Variants in SCYL1 observed in about 807,000 individuals in gnomAD.
SCYL1 encodes the protein SCY1 like pseudokinase 1.
Under a neutral mutation model 94.8 loss-of-function variants are expected in SCYL1, and 85 were observed. The observed-to-expected ratio is 0.90, with a 90% confidence interval of 0.75 to 1.07. The LOEUF (loss-of-function observed/expected upper bound fraction) is 1.07, where lower values mean the gene tolerates loss of function less well. SCYL1 is among the 50% of genes least tolerant of loss of function. The pLI is 0.00. For missense variants in SCYL1, 968 were observed against 1,083.3 expected, an observed-to-expected ratio of 0.89 and a Z score of 1.49; for synonymous variants, 459 against 435.5, an observed-to-expected ratio of 1.05 and a Z score of -0.67.
At chr11:65,527,359 C>A (rs1787663) in intron 6 of SCYL1, among the ~76,000 whole-genome samples, 47,542 of 152,080 alleles carry the variant, frequency 0.31, 8,316 homozygotes, top group African/African-American at 0.47. Context: ...TCTACTCCAA[C>A]ACTGGAAACT....
Position 65,537,818 on chromosome 11 carries a change from G to T in SCYL1, c.1969G>T (p.Glu657Ter), listed in dbSNP as rs867368865. The change falls in exon 15 of 18, where the codon GAG (glutamate) becomes TAG (stop). Residue 657 changes from glutamate to a stop codon, truncating the protein, a stop_gained. Transcript: ENST00000270176. LOFTEE classifies it high-confidence loss of function. ...EDWGSLEQEA[E>*]SVLAQQDDWS... The stretch of plus-strand genomic sequence containing the variant: ...CCTTCCCACACTGCAGCAGGAGGCC[G>T]AGTCTGTGCTGGCCCAGCAGGACGA... 6.4e-7 allele frequency: 1 copy of T among 1,564,904 alleles called. No homozygotes were observed. Among genetic ancestry groups the T allele is most frequent in the Non-Finnish European group, 8.7e-7 (1 of 1,154,364 alleles).
At position 65,537,131 on chromosome 11, in the gene SCYL1, G is replaced by A. The variant is rs970280005; in HGVS notation, c.1959+3G>A. 1.2e-6 allele frequency: 2 copies of A among 1,614,154 alleles called. No individual in the cohort carries two copies. Among genetic ancestry groups the A allele is most frequent in the South Asian group, 1.1e-5 (1 of 91,088 alleles). ...ACGAAGACTGGGGCAGCCTGGAGGTGTGTGGGGCTGAGGGAGCCTCCCCAG... is the reference window on the plus strand; with the variant it reads ...ACGAAGACTGGGGCAGCCTGGAGGTATGTGGGGCTGAGGGAGCCTCCCCAG... On this transcript the variant is annotated splice_donor_region_variant and intron_variant, in intron 14 of 17. Coordinates refer to ENST00000270176, the MANE Select transcript of SCYL1 (RefSeq NM_020680.4).
chr11:65,525,112 C>T lies in SCYL1; in HGVS notation c.-42C>T. ...CGCCCCGGCTCGGGCGGCCGGAGGA[C>T]CCGGAGCTAAGGCGCCCGAACCCGC... On this transcript the variant is annotated 5_prime_UTR_variant, in exon 1 of 18. Transcript: ENST00000270176. The T allele has an allele frequency of 1.6e-6, 2 of 1,265,412 alleles. No homozygotes were observed. Among genetic ancestry groups the T allele is most frequent in the Non-Finnish European group, 2.0e-6 (2 of 988,690 alleles). The allele number at this position is 1,265,412 out of a possible 1,614,324, so 78.4% of individuals were successfully genotyped here.
At position 65,536,110 on chromosome 11, in the gene SCYL1, C is replaced by T. The variant is rs372352176; in HGVS notation, c.1544C>T (p.Thr515Ile). The change falls in exon 11 of 18, where the codon ACT (threonine) becomes ATT (isoleucine). Residue 515 changes from threonine (T) to isoleucine (I), a missense_variant. Coordinates refer to ENST00000270176, the MANE Select transcript of SCYL1 (RefSeq NM_020680.4). ...QKILPVLCGLTVDPEKSVRDQ... is the reference protein window; with the variant it reads ...QKILPVLCGLIVDPEKSVRDQ... ...ATCCTGCCTGTGCTCTGCGGTCTCA[C>T]TGTAGATCCTGAGAAATCCGTGCGA... The T allele has an allele frequency of 1.4e-4, 232 of 1,613,932 alleles. No homozygotes were observed. The highest frequency in any genetic ancestry group is 3.3e-4 in the Middle Eastern group (2 of 6,082).
In SCYL1 at chr11:65,526,079, G is replaced by C. The variant is rs374423071; in HGVS notation, c.375+36G>C. 3 of 1,611,472 alleles carry C rather than the reference G, an allele frequency of 1.9e-6. No individual in the cohort carries two copies. The highest frequency in any genetic ancestry group is 2.2e-5 in the East Asian group (1 of 44,862). ...GGGCAGTGGTGATGAGAGCAGGGAT[G>C]GGGGGTTGCAGGTGCTGGGGCGTGA... On this transcript the variant is annotated intron_variant, in intron 3 of 17. Coordinates refer to ENST00000270176, the MANE Select transcript of SCYL1 (RefSeq NM_020680.4). This position sits in a 1 kb window ranked among gnomAD's most constrained non-coding sequence, Gnocchi z 4.1.
chr11:65,531,722 GA>G, intron 8 of SCYL1, 39 bp downstream of exon 8: 4 of 1,508,244 alleles, frequency 2.7e-6, no homozygotes, highest in Non-Finnish European at 2.8e-6. Flanking sequence ...GGTCCACCCA[GA>G]CCCCAACCTG....
rs1480070397 is a variant in SCYL1 at position 65,537,252 on chromosome 11, C to T, written c.1959+124C>T. On this transcript the variant is annotated intron_variant, in intron 14 of 17. Coordinates refer to ENST00000270176, the MANE Select transcript of SCYL1 (RefSeq NM_020680.4). ...CCTCATCAGCACAGCATCCCTGGCACGTAGGCCTCATGGAGTGGCCATTGT... is the reference window on the plus strand; with the variant it reads ...CCTCATCAGCACAGCATCCCTGGCATGTAGGCCTCATGGAGTGGCCATTGT... 5 of 1,075,874 alleles carry T rather than the reference C, an allele frequency of 4.6e-6. No individual in the cohort carries two copies. The African/African-American group carries it at 4.7e-5, about 10-fold the overall frequency. The allele number at this position is 1,075,874 out of a possible 1,614,324, so 66.6% of individuals were successfully genotyped here.
rs575189600 is a variant in SCYL1 at position 65,530,605 on chromosome 11, C to T, written c.850-24C>T. On this transcript the variant is annotated intron_variant, in intron 6 of 17. Coordinates refer to ENST00000270176, the MANE Select transcript of SCYL1 (RefSeq NM_020680.4). ...GCTGCAACCAGGCTGATCTCTTCCC[C>T]GGGTCCCGTCCTCACTCCCCCAGAT... 412 of 1,601,514 alleles carry T rather than the reference C, an allele frequency of 2.6e-4. No homozygotes were observed. The East Asian group carries it at 4.6e-3, about 18-fold the overall frequency.
chr11:65,535,026 G>C (rs1344208866), intron 9 of SCYL1: 2 of 622,406 alleles, frequency 3.2e-6, no homozygotes, highest in Non-Finnish European at 5.6e-6. Flanking sequence ...AGTGCAGACA[G>C]ACTTTGGAGG....
In SCYL1 at chr11:65,538,275, G is replaced by A. The variant is rs1855817277; in HGVS notation, c.2253G>A (p.Arg751=). 2 of 1,553,282 alleles carry A rather than the reference G, an allele frequency of 1.3e-6. No individual in the cohort carries two copies. The highest frequency in any genetic ancestry group is 2.7e-5 in the African/African-American group (2 of 73,122). The change falls in exon 17 of 18, where the codon AGG becomes AGA. Residue 751 remains arginine (R), a synonymous_variant. Coordinates refer to ENST00000270176, the MANE Select transcript of SCYL1 (RefSeq NM_020680.4). Reference sequence around the variant, plus strand: ...GCCCACACTTCTCTTTACAGCCGAGGCCAGACTCTTGGGGTGAGGACAACT... The same window carrying A: ...GCCCACACTTCTCTTTACAGCCGAGACCAGACTCTTGGGGTGAGGACAACT... ...TLSARPSTQP[R]PDSWGEDNWE... is the part of the protein sequence containing the mutation.
rs567720483 is a variant in SCYL1, at chr11:65,528,126, G to T, written c.849+1009G>T. ...TCCCCAACCTTGGGAACTCTTGCTGGGGAAGAGACAGAAAACATAAAAACC... is the reference window on the plus strand; with the variant it reads ...TCCCCAACCTTGGGAACTCTTGCTGTGGAAGAGACAGAAAACATAAAAACC... On this transcript the variant is annotated intron_variant, in intron 6 of 17. Coordinates refer to ENST00000270176, the MANE Select transcript of SCYL1 (RefSeq NM_020680.4). Among the ~76,000 whole-genome samples the T allele has an allele frequency of 3.3e-5, 5 of 152,286 alleles. No homozygotes were observed. In the South Asian group the frequency reaches 1.0e-3, roughly 32 times the overall value.
At position 65,535,978 on chromosome 11, in the gene SCYL1, C is replaced by T. The variant is rs1554969894; in HGVS notation, c.1412C>T (p.Ala471Val). 4 of 1,608,838 alleles carry T rather than the reference C, an allele frequency of 2.5e-6. No individual in the cohort carries two copies. The highest frequency in any genetic ancestry group is 3.4e-6 in the Non-Finnish European group (4 of 1,177,148). Residue 471 changes from alanine (A) to valine (V), a missense_variant, in exon 11 of 18, where the codon GCC becomes GTC. Ala to Val is a moderately conservative substitution (Grantham distance 64). This residue lies in a region of SCYL1 where 474 missense variants were observed against 463.6 expected (regional missense o/e 1.02). Coordinates refer to ENST00000270176, the MANE Select transcript of SCYL1 (RefSeq NM_020680.4). ...ASTRHRVLTS[A>V]FSRATRDPFA... ...ACCAGACACAGGGTCCTTACCTCTG[C>T]CTTCAGCCGAGCCACTAGGGACCCG...
intron 17 of SCYL1, 47 bp downstream of exon 17, chr11:65,538,371 G>C: frequency 6.5e-7 from 1 of 1,540,270 alleles, no homozygotes. Flanking sequence ...TCCCCGACTA[G>C]CCCGCCCCTA....
chr11:65,525,441 G>A lies in SCYL1; in HGVS notation c.112-133G>A. The A allele has an allele frequency of 2.5e-6, 3 of 1,199,220 alleles. No homozygotes were observed. The South Asian group carries it at 4.8e-5, about 19-fold the overall frequency. The allele number at this position is 1,199,220 out of a possible 1,614,324, so 74.3% of individuals were successfully genotyped here. ...GGAGGGACCGAGGGACCGACAGGCGGACAGGGCCGGGGTCACGTGGGCCCG... is the reference window on the plus strand; with the variant it reads ...GGAGGGACCGAGGGACCGACAGGCGAACAGGGCCGGGGTCACGTGGGCCCG... On this transcript the variant is annotated intron_variant, in intron 1 of 17. Transcript: ENST00000270176.
At chr11:65,527,731 CAAA>C (rs35335117) in intron 6 of SCYL1, among the ~76,000 whole-genome samples, 1 of 88,660 alleles carries the variant, frequency 1.1e-5, no homozygotes, top group African/African-American at 4.1e-5. Context: ...GACTTCGTCT[CAAA>C]AAAAAAAAAA....
At chr11:65,531,755 C>G in intron 8 of SCYL1, 72 bp downstream of exon 8, 1 of 1,140,100 alleles carries the variant, frequency 8.8e-7, no homozygotes, top group East Asian at 2.4e-5. Context: ...GGCACCTGCC[C>G]TGGCTGCACA....
intron 14 of SCYL1, 63 bp downstream of exon 14, chr11:65,537,191 G>C: frequency 6.3e-7 from 1 of 1,589,160 alleles, no homozygotes; most frequent in Non-Finnish European, 8.6e-7. Flanking sequence ...CTGCCATTCA[G>C]GGAGCTTCTG....
chr11:65,529,284 G>A (rs1855251109), intron 6 of SCYL1, among the ~76,000 whole-genome samples: 1 of 152,158 alleles, frequency 6.6e-6, no homozygotes, highest in Non-Finnish European at 1.5e-5. Context: ...GGGCAGTGTC[G>A]GGGCAGCAGG....
Position 65,537,839 on chromosome 11 carries a change from G to A in SCYL1, c.1990G>A (p.Asp664Asn). 1.9e-6 allele frequency: 3 copies of A among 1,572,620 alleles called. No homozygotes were observed. Among genetic ancestry groups the A allele is most frequent in the Middle Eastern group, 1.7e-4 (1 of 5,986 alleles). ...QEAESVLAQQ[D>N]DWSTGGQVSR... ...GGCCGAGTCTGTGCTGGCCCAGCAG[G>A]ACGACTGGAGCACCGGGGGCCAAGT... Residue 664 changes from aspartate (D) to asparagine (N), a missense_variant, in exon 15 of 18, where the codon GAC (aspartate) becomes AAC (asparagine). By Grantham distance (23) the Asp-to-Asn change is conservative (BLOSUM62 1). This residue lies in a region of SCYL1 where 474 missense variants were observed against 463.6 expected (regional missense o/e 1.02). Coordinates refer to ENST00000270176, the MANE Select transcript of SCYL1 (RefSeq NM_020680.4).
Sources: allele counts gnomAD v4.1 joint callset (sites outside exome capture counted in the v4.1 genomes callset), GRCh38; gene constraint gnomAD v4.1.1; regional missense constraint gnomAD v4.1.1; non-coding constraint Gnocchi (gnomAD v3.1); transcripts MANE v1.5; gene names NCBI Gene and HGNC (gene_info 2026-07-23, HGNC 2026-07-21).